Variants in CHODL observed in about 807,000 individuals in gnomAD.
CHODL encodes the protein chondrolectin.
Under a neutral mutation model 34.5 loss-of-function variants are expected in CHODL, and 29 were observed. The ratio of observed to expected loss-of-function variants is 0.84; its 90% CI spans 0.63 to 1.15. CHODL has a LOEUF of 1.15. CHODL is among the 50% of genes most tolerant of loss of function. The pLI is 0.00. For synonymous variants in CHODL, 125 were observed against 116.1 expected (o/e 1.08, Z -0.49); for missense variants, 332 against 332.5 (o/e 1.00, Z 0.01).
chr21:17,924,639 T>C (rs1010108915), intron 1 of CHODL, among the ~76,000 whole-genome samples: 5 of 152,218 alleles, frequency 3.3e-5, no homozygotes, highest in Admixed American at 1.3e-4. Flanking sequence ...ATTATACAAT[T>C]AGTCGGGACT....
At chr21:17,946,666 CTT>C (rs869306910) in intron 1 of CHODL, among the ~76,000 whole-genome samples, 42 of 141,542 alleles carry the variant, frequency 3.0e-4, no homozygotes, top group African/African-American at 1.1e-3. Context: ...TAATGATCTT[CTT>C]TGTTTCTTTT....
chr21:18,124,134 C>G (rs540103156), intron 2 of CHODL, among the ~76,000 whole-genome samples: 1 of 152,306 alleles, frequency 6.6e-6, no homozygotes, highest in Non-Finnish European at 1.5e-5. Context: ...GCTGTTCACT[C>G]TATTCATGAA....
At chr21:18,037,000 G>T (rs1014066169) in intron 2 of CHODL, among the ~76,000 whole-genome samples, 3 of 151,886 alleles carry the variant, frequency 2.0e-5, no homozygotes, top group African/African-American at 7.2e-5. Context: ...ATTTTGAGGA[G>T]ACTGATATCT....
intron 1 of CHODL, among the ~76,000 whole-genome samples, chr21:18,017,814 CCT>C (rs2064089694): frequency 6.6e-6 from 1 of 152,194 alleles, no homozygotes; most frequent in Non-Finnish European, 1.5e-5. Context: ...CAGCTTGCAC[CCT>C]GCACCTAGAA....
At chr21:18,057,081 A>G (rs1234111033) in intron 2 of CHODL, among the ~76,000 whole-genome samples, 1 of 152,120 alleles carries the variant, frequency 6.6e-6, no homozygotes, top group Non-Finnish European at 1.5e-5. Flanking sequence ...TTATCTTCAG[A>G]TATTTCCGCT....
intron 1 of CHODL, among the ~76,000 whole-genome samples, chr21:17,922,747 A>G (rs2063192364): frequency 6.6e-6 from 1 of 152,166 alleles, no homozygotes; most frequent in Non-Finnish European, 1.5e-5. Flanking sequence ...ACTGAGATGT[A>G]GCTCCTAAAG....
Position 18,259,456 on chromosome 21 carries a change from C to A in CHODL, c.548-744C>A, listed in dbSNP as rs184564571. Among the ~76,000 whole-genome samples, 378 of 152,162 alleles carry A rather than the reference C, an allele frequency of 2.5e-3. 2 individuals carry two copies. The highest frequency in any genetic ancestry group is 9.0e-3 in the African/African-American group (372 of 41,502). ...GGTGATGGAATGATCTGTGCAGCAC[C>A]GCACCATGGCACACGTTTACCCACG... On this transcript the variant is annotated intron_variant, in intron 3 of 5. Coordinates refer to ENST00000299295, the MANE Select transcript of CHODL (RefSeq NM_024944.3).
intron 1 of CHODL, among the ~76,000 whole-genome samples, chr21:17,970,586 TTTTG>T (rs888254070): frequency 6.6e-6 from 1 of 152,300 alleles, no homozygotes; most frequent in African/African-American, 2.4e-5. Flanking sequence ...ACTATGCATT[TTTTG>T]TTTTTTAATT....
chr21:18,253,303 C>T (rs1387690330), intron 1 of CHODL, among the ~76,000 whole-genome samples: 3 of 151,232 alleles, frequency 2.0e-5, no homozygotes, highest in Non-Finnish European at 4.4e-5. Context: ...AAAGGTCTGG[C>T]TATTCTGTTT....
chr21:17,933,932 G>A (rs764224709), intron 1 of CHODL, among the ~76,000 whole-genome samples: 3 of 151,914 alleles, frequency 2.0e-5, no homozygotes, highest in Non-Finnish European at 2.9e-5. Context: ...CCAGCTACTC[G>A]GGAGGCTGAG....
At chr21:17,991,384 G>A (rs754860171) in intron 1 of CHODL, among the ~76,000 whole-genome samples, 3 of 151,884 alleles carry the variant, frequency 2.0e-5, no homozygotes, top group Non-Finnish European at 4.4e-5. Flanking sequence ...CTTTCATACC[G>A]TTTTCTATAA....
intron 2 of CHODL, among the ~76,000 whole-genome samples, chr21:18,084,929 G>GTGTGTGTGTA (rs2064987057): frequency 6.8e-6 from 1 of 147,316 alleles, no homozygotes; most frequent in African/African-American, 2.6e-5. Flanking sequence ...TAGTGTGTGT[G>GTGTGTGTGTA]TGTGTGTGTG....
intron 1 of CHODL, among the ~76,000 whole-genome samples, chr21:18,009,427 G>T (rs190347322): frequency 2.6e-5 from 4 of 152,230 alleles, no homozygotes; most frequent in Non-Finnish European, 4.4e-5. Context: ...AGTGAGCACA[G>T]TTAATTGGGC....
At chr21:18,250,330 T>A (rs919284810) in intron 1 of CHODL, among the ~76,000 whole-genome samples, 3 of 151,700 alleles carry the variant, frequency 2.0e-5, no homozygotes, top group African/African-American at 7.3e-5. Context: ...TTTAAAAAAA[T>A]AGTCTCATGC....
intron 2 of CHODL, among the ~76,000 whole-genome samples, chr21:18,063,049 C>G (rs950418126): frequency 5.9e-5 from 9 of 152,026 alleles, no homozygotes; most frequent in Admixed American, 6.6e-5. Context: ...GATGAGTGTT[C>G]CAAAAATGAT....
intron 2 of CHODL, among the ~76,000 whole-genome samples, chr21:18,138,401 A>G (rs1171135969): frequency 2.6e-5 from 4 of 152,202 alleles, no homozygotes; most frequent in African/African-American, 4.8e-5. Context: ...TCCTAAAGTA[A>G]AAGTGGATGA....
At chr21:18,051,403 CT>C (rs555572070) in intron 2 of CHODL, among the ~76,000 whole-genome samples, 7,814 of 138,280 alleles carry the variant, frequency 0.057, 544 homozygotes, top group African/African-American at 0.18. Context: ...ACAGCTTTGT[CT>C]TTTTTTTTTT....
intron 1 of CHODL, among the ~76,000 whole-genome samples, chr21:17,918,154 G>C (rs1353018683): frequency 6.6e-6 from 1 of 151,982 alleles, no homozygotes; most frequent in Admixed American, 6.6e-5. Flanking sequence ...AAGAGAAACT[G>C]GGGGTGAGGG....
At chr21:18,248,616 A>C (rs1367258312) in intron 1 of CHODL, among the ~76,000 whole-genome samples, 3 of 124,254 alleles carry the variant, frequency 2.4e-5, no homozygotes, top group Admixed American at 8.9e-5. Context: ...TGTATAATAC[A>C]TATATAATAT....
Sources: allele counts gnomAD v4.1 joint callset (sites outside exome capture counted in the v4.1 genomes callset), GRCh38; gene constraint gnomAD v4.1.1; transcripts MANE v1.5; gene names NCBI Gene and HGNC (gene_info 2026-07-23, HGNC 2026-07-21).